The following FANCC variants were observed in gnomAD, a reference collection of about 807,000 sequenced individuals.
The protein encoded by FANCC is Fanconi anemia group C protein.
Under a neutral mutation model 71.3 loss-of-function variants are expected in FANCC, and 55 were observed. The observed-to-expected ratio is 0.77, with a 90% CI of 0.62 to 0.97. The LOEUF is 0.97. FANCC is among the 50% of genes least tolerant of loss of function. FANCC has a pLI of 0.00. For synonymous variants in FANCC, 275 were observed against 244.9 expected (o/e 1.12, Z -1.15); for missense variants, 678 against 670.9 (o/e 1.01, Z -0.12).
At chr9:95,116,021 C>A (rs1412999968) in intron 11 of FANCC, among the ~76,000 whole-genome samples, 1 of 152,258 alleles carries the variant, frequency 6.6e-6, no homozygotes, top group Non-Finnish European at 1.5e-5. Flanking sequence ...CTTCTAGGAA[C>A]TAGCACAAGA....
intron 1 of FANCC, among the ~76,000 whole-genome samples, chr9:95,284,877 TACAC>T (rs71366285): frequency 0.19 from 27,951 of 147,576 alleles, 2,629 homozygotes; most frequent in Middle Eastern, 0.25. Context: ...CACACACACA[TACAC>T]ACACACACAC....
intron 7 of FANCC, among the ~76,000 whole-genome samples, chr9:95,148,336 A>T (rs2135407533): frequency 6.6e-6 from 1 of 152,326 alleles, no homozygotes; most frequent in South Asian, 2.1e-4. Context: ...CAGTGGGCTC[A>T]CTTGACCACT....
rs183511185 is a variant in FANCC, at chr9:95,274,990, C to T, written c.-78-25621G>A. On this transcript the variant is annotated intron_variant, in intron 1 of 14. Transcript: ENST00000289081. ...TTTTTAAAAATAAAAACAGGCCAGG[C>T]GTGGTGGCTCATGCTTGTAATCCCA... is the stretch of plus-strand genomic sequence containing the variant. 4.5e-3 allele frequency among the ~76,000 whole-genome samples: 680 copies of T among 151,358 alleles called. 5 individuals are homozygous for T. Among genetic ancestry groups the T allele is most frequent in the Middle Eastern group, 0.01 (3 of 290 alleles).
intron 10 of FANCC, 75 bp from the exon 11 acceptor site, chr9:95,117,465 G>T: frequency 1.6e-6 from 2 of 1,239,310 alleles, no homozygotes; most frequent in Non-Finnish European, 2.3e-6. Context: ...AAAACTCTGA[G>T]TCCTCTGCCC....
At chr9:95,109,318 C>T (rs187843332) in intron 13 of FANCC, among the ~76,000 whole-genome samples, 14 of 152,294 alleles carry the variant, frequency 9.2e-5, no homozygotes, top group African/African-American at 3.1e-4. Flanking sequence ...GGCCATTTCC[C>T]ATTGTTGTAT....
At chr9:95,167,082 ATT>A (rs1459546112) in intron 6 of FANCC, among the ~76,000 whole-genome samples, 1 of 151,782 alleles carries the variant, frequency 6.6e-6, no homozygotes, top group African/African-American at 2.4e-5. Context: ...AGTATTCTTG[ATT>A]GGAAGGGTTT....
chr9:95,125,304 TCTCAA>T (rs1427634935), intron 9 of FANCC, 119 bp from the exon 10 acceptor site: 47 of 761,396 alleles, frequency 6.2e-5, no homozygotes, highest in East Asian at 5.0e-4. Context: ...TTCAGCAGTA[TCTCAA>T]CTCATCAGAT....
At chr9:95,205,047 A>G (rs1828035276) in intron 4 of FANCC, among the ~76,000 whole-genome samples, 1 of 152,232 alleles carries the variant, frequency 6.6e-6, no homozygotes. Context: ...TGACTAAAGC[A>G]TTTTTAAAAT....
chr9:95,135,319 T>C, intron 8 of FANCC, 27 bp downstream of exon 8: 1 of 1,611,490 alleles, frequency 6.2e-7, no homozygotes, highest in Non-Finnish European at 8.5e-7. Flanking sequence ...TCAAGGATTT[T>C]TCCCTTCATC....
intron 1 of FANCC, among the ~76,000 whole-genome samples, chr9:95,257,318 A>G (rs1401935629): frequency 6.6e-6 from 1 of 152,164 alleles, no homozygotes; most frequent in African/African-American, 2.4e-5. Context: ...AAAAGAACGG[A>G]AATCATAACA....
chr9:95,297,291 G>T (rs1240397805), intron 1 of FANCC, among the ~76,000 whole-genome samples: 1 of 152,126 alleles, frequency 6.6e-6, no homozygotes, highest in South Asian at 2.1e-4. Context: ...AACATTTTAG[G>T]GCATCTAGAG....
intron 10 of FANCC, among the ~76,000 whole-genome samples, chr9:95,124,354 A>G (rs1358660227): frequency 6.6e-6 from 1 of 152,178 alleles, no homozygotes; most frequent in Non-Finnish European, 1.5e-5. Flanking sequence ...AAGGCCAAAT[A>G]TATATGCTGA....
At position 95,253,916 on chromosome 9, in the gene FANCC, A is replaced by G. The variant is rs191199691; in HGVS notation, c.-78-4547T>C. Among the ~76,000 whole-genome samples, 9 of 152,358 alleles carry G rather than the reference A, an allele frequency of 5.9e-5. No individual in the cohort carries two copies. The East Asian group carries it at 1.2e-3, about 20-fold the overall frequency. On this transcript the variant is annotated intron_variant, in intron 1 of 14. Coordinates refer to ENST00000289081, the MANE Select transcript of FANCC (RefSeq NM_000136.3). The stretch of plus-strand genomic sequence containing the variant: ...AGATCCCCTGCATGTGCAGTTCACA[A>G]GAGGATTCATGCCCCTATGAGAATC...
chr9:95,198,967 T>G lies in FANCC; in HGVS notation c.346-26820A>C, dbSNP rs192323225. On this transcript the variant is annotated intron_variant, in intron 4 of 14. Transcript: ENST00000289081. Reference sequence around the variant, plus strand: ...GTTGCCCAGGCTGGCCAGGAACTCCTGGGCTCAAGTGATCCTCTTGCAGTA... The same window carrying G: ...GTTGCCCAGGCTGGCCAGGAACTCCGGGGCTCAAGTGATCCTCTTGCAGTA... Among the ~76,000 whole-genome samples, 435 of 152,314 alleles carry G rather than the reference T, an allele frequency of 2.9e-3. 3 individuals are homozygous for G. The highest frequency in any genetic ancestry group is 8.9e-3 in the Admixed American group (136 of 15,298).
At chr9:95,133,224 G>A (rs1827175242) in intron 8 of FANCC, among the ~76,000 whole-genome samples, 1 of 152,244 alleles carries the variant, frequency 6.6e-6, no homozygotes, top group African/African-American at 2.4e-5. Flanking sequence ...GGCACTGCAG[G>A]CCCAGGATGC....
chr9:95,247,492 A>T lies in FANCC; in HGVS notation c.190T>A (p.Phe64Ile). The change falls in exon 3 of 15, where the codon TTC becomes ATC. Residue 64 changes from phenylalanine (F) to isoleucine (I), a missense_variant. Coordinates refer to ENST00000289081, the MANE Select transcript of FANCC (RefSeq NM_000136.3). Reference sequence around the variant, plus strand: ...GCCAACAGTTGACCAATTGTGGGGAATCTTTCAATGACTGTATTAGAATCC... The same window carrying T: ...GCCAACAGTTGACCAATTGTGGGGATTCTTTCAATGACTGTATTAGAATCC... ...EMDSNTVIER[F>I]PTIGQLLAKA... 6.2e-7 allele frequency: 1 copy of T among 1,613,688 alleles called. No homozygotes were observed. Among genetic ancestry groups the T allele is most frequent in the South Asian group, 1.1e-5 (1 of 91,076 alleles).
At chr9:95,103,740 GCCTCCAGGTGCCTGGAGAAGAGC>G (rs2071232505) in intron 14 of FANCC, among the ~76,000 whole-genome samples, 1 of 152,234 alleles carries the variant, frequency 6.6e-6, no homozygotes, top group African/African-American at 2.4e-5. Flanking sequence ...CGGGGAGTGG[GCCTCCAGGTGCCTGGAGAAGAGC>G]CCACTGCGCA....
chr9:95,160,849 G>A (rs1588202852), intron 6 of FANCC, among the ~76,000 whole-genome samples: 1 of 152,154 alleles, frequency 6.6e-6, no homozygotes, highest in African/African-American at 2.4e-5. Flanking sequence ...TGGTGTATAG[G>A]AATGCTTGTG....
chr9:95,292,932 G>A (rs529541709), intron 1 of FANCC: 464 of 1,580,662 alleles, frequency 2.9e-4, no homozygotes, highest in Non-Finnish European at 2.7e-4. Context: ...CTGTCCCTAC[G>A]CCAGTAGAAA....
Sources: allele counts gnomAD v4.1 joint callset (sites outside exome capture counted in the v4.1 genomes callset), GRCh38; gene constraint gnomAD v4.1.1; transcripts MANE v1.5; gene names NCBI Gene and HGNC (gene_info 2026-07-23, HGNC 2026-07-21).